Variants in TMEM242 observed in about 807,000 individuals in gnomAD.
TMEM242 encodes the protein transmembrane protein 242, also known as UPF0463 transmembrane protein C6orf35.
In TMEM242, 10 loss-of-function variants were observed where a neutral mutation model predicts 18.2. The ratio of observed to expected loss-of-function variants is 0.55; its 90% CI spans 0.34 to 0.93. TMEM242 has a LOEUF of 0.93. TMEM242 is among the 40% of genes least tolerant of loss of function. The probability of loss-of-function intolerance (pLI) is 0.02; values close to 1 mark genes in which losing one functional copy is unlikely to be tolerated. For missense variants in TMEM242, 186 were observed against 175.5 expected, an observed-to-expected ratio of 1.06 and a Z score of -0.34; for synonymous variants, 57 against 69.9, an observed-to-expected ratio of 0.81 and a Z score of 0.92.
chr6:157,323,479 T>A lies in TMEM242; in HGVS notation c.21A>T (p.Ala7=). Residue 7 remains alanine (A), a synonymous_variant, in exon 1 of 4, where the codon GCA becomes GCT. Transcript: ENST00000400788. ...CCAGCCCAGAGGCCGGCTGCCCAGT[T>A]GCAGCGCCCGCTGTCTCCATGTTTA... METAGA[A]TGQPASGLEA... 1 of 1,613,942 alleles carries A rather than the reference T, an allele frequency of 6.2e-7. No homozygotes were observed. Among genetic ancestry groups the A allele is most frequent in the South Asian group, 1.1e-5 (1 of 91,076 alleles).
chr6:157,320,048 C>T (rs1778467857), intron 2 of TMEM242, among the ~76,000 whole-genome samples: 1 of 152,212 alleles, frequency 6.6e-6, no homozygotes, highest in South Asian at 2.1e-4. Flanking sequence ...CTGTGAAGTG[C>T]ACTGACTAAG....
In TMEM242 at chr6:157,319,591, A is replaced by G. The variant is rs191675690; in HGVS notation, c.190-672T>C. On this transcript the variant is annotated intron_variant, in intron 2 of 3. Transcript: ENST00000400788. Reference sequence around the variant, plus strand: ...ATTCAGCATCTATTATTGCTTTTCAACTCCCAGTTGTTTTGCATGACACAC... The same window carrying G: ...ATTCAGCATCTATTATTGCTTTTCAGCTCCCAGTTGTTTTGCATGACACAC... Among the ~76,000 whole-genome samples the G allele has an allele frequency of 1.4e-4, 21 of 152,296 alleles. No individual in the cohort carries two copies. The East Asian group carries it at 2.7e-3, about 20-fold the overall frequency.
chr6:157,311,456 T>TCA (rs1778091557), intron 3 of TMEM242, among the ~76,000 whole-genome samples: 1 of 131,336 alleles, frequency 7.6e-6, no homozygotes, highest in Non-Finnish European at 1.7e-5. Context: ...CAGTGTGCAA[T>TCA]CACCTGGCCT....
Position 157,322,825 on chromosome 6 carries a change from G to T in TMEM242, c.89-20C>A. On this transcript the variant is annotated intron_variant, in intron 1 of 3. Transcript: ENST00000400788. ...TTCCACCTGCCAAGAGTTTCGGGGA[G>T]GAGGGGGGATATTAAAAAAAATTAA... 3 of 1,593,632 alleles carry T rather than the reference G, an allele frequency of 1.9e-6. No individual in the cohort carries two copies. Among genetic ancestry groups the T allele is most frequent in the Non-Finnish European group, 2.6e-6 (3 of 1,167,270 alleles).
chr6:157,296,938 ATG>A (rs782749473), intron 3 of TMEM242, among the ~76,000 whole-genome samples: 2 of 152,212 alleles, frequency 1.3e-5, no homozygotes, highest in African/African-American at 2.4e-5. Context: ...TGTCACAAAT[ATG>A]GATGTTCTGT....
At chr6:157,311,030 T>C (rs1298795900) in intron 3 of TMEM242, among the ~76,000 whole-genome samples, 2 of 40,366 alleles carry the variant, frequency 5.0e-5, no homozygotes, top group Admixed American at 2.6e-4. Flanking sequence ...AGCCTCATCA[T>C]AGTGTCCCAG....
intron 3 of TMEM242, among the ~76,000 whole-genome samples, chr6:157,306,333 G>A (rs1554247910): frequency 1.3e-5 from 2 of 152,212 alleles, no homozygotes; most frequent in African/African-American, 4.8e-5. Flanking sequence ...TCATCTTGGA[G>A]CAAGAAGGTG....
intron 3 of TMEM242, 36 bp from the exon 4 acceptor site, chr6:157,293,035 AAAG>A (rs782435252): frequency 3.3e-6 from 5 of 1,534,876 alleles, no homozygotes; most frequent in South Asian, 2.2e-5. Flanking sequence ...TCAAATGTTA[AAAG>A]AAGGAGAAAA....
rs141305100 is a variant in TMEM242 at position 157,317,338 on chromosome 6, G to A, written c.327+1444C>T. 2.0e-4 allele frequency among the ~76,000 whole-genome samples: 31 copies of A among 152,190 alleles called. 1 individual carries two copies. Among genetic ancestry groups the A allele is most frequent in the African/African-American group, 6.7e-4 (28 of 41,512 alleles). ...GGTGAATCATCAGTCCTCATCTTAC[G>A]TAACTTATCACCAGCATACAACACA... On this transcript the variant is annotated intron_variant, in intron 3 of 3. Transcript: ENST00000400788.
intron 3 of TMEM242, among the ~76,000 whole-genome samples, chr6:157,310,600 G>C (rs1042696900): frequency 1.3e-4 from 19 of 151,968 alleles, no homozygotes; most frequent in African/African-American, 4.6e-4. Flanking sequence ...CCTCATCATA[G>C]TGCCCCAGTG....
In TMEM242 at chr6:157,292,973, T is replaced by C. The variant is rs587765962; in HGVS notation, c.354A>G (p.Gln118=). Reference sequence around the variant, plus strand: ...TCTTGGGAATTGTTGGAAATATTGATTGCATTTTACTTCGAAAGTCGTTCA... The same window carrying C: ...TCTTGGGAATTGTTGGAAATATTGACTGCATTTTACTTCGAAAGTCGTTCA... The part of the protein sequence containing the change: ...HSMNDFRSKM[Q]SIFPTIPKNS... The change falls in exon 4 of 4, where the codon CAA becomes CAG. Residue 118 remains glutamine (Q), a synonymous_variant. Coordinates refer to ENST00000400788, the MANE Select transcript of TMEM242 (RefSeq NM_018452.6). 3 of 1,613,740 alleles carry C rather than the reference T, an allele frequency of 1.9e-6. No individual in the cohort carries two copies. In the East Asian group the frequency reaches 6.7e-5, roughly 36 times the overall value.
intron 3 of TMEM242, among the ~76,000 whole-genome samples, chr6:157,307,138 A>T (rs761609010): frequency 3.2e-4 from 48 of 152,350 alleles, no homozygotes; most frequent in Non-Finnish European, 5.7e-4. Flanking sequence ...GAAGCAAATG[A>T]TATCAGGTCT....
chr6:157,312,807 A>T (rs373956399), intron 3 of TMEM242, among the ~76,000 whole-genome samples: 1 of 4,454 alleles, frequency 2.2e-4, no homozygotes, highest in Non-Finnish European at 4.6e-4. Context: ...CCCCAGTGTG[A>T]ACTCAACTAG....
chr6:157,323,003 T>C (rs961473089), intron 1 of TMEM242, among the ~76,000 whole-genome samples, 198 bp from the exon 2 acceptor site: 2 of 152,160 alleles, frequency 1.3e-5, no homozygotes, highest in Non-Finnish European at 2.9e-5. Flanking sequence ...CCGCACGACC[T>C]CTGGTTCCTT....
At chr6:157,314,058 G>A (rs1778324251) in intron 3 of TMEM242, among the ~76,000 whole-genome samples, 2 of 61,334 alleles carry the variant, frequency 3.3e-5, no homozygotes, top group African/African-American at 6.0e-5. Flanking sequence ...GTGCCGCAGT[G>A]TGCGCTCACC....
chr6:157,290,951 G>A lies in TMEM242; in HGVS notation c.*1950C>T, dbSNP rs1777676254. The A allele has an allele frequency of 6.6e-6, 1 of 152,292 alleles. No homozygotes were observed. The highest frequency in any genetic ancestry group is 2.1e-4 in the South Asian group (1 of 4,832). 9.4% of individuals were successfully genotyped at this position (152,292 alleles called of 1,614,324 possible). A position where few individuals can be genotyped will look rare whatever the true frequency, so the allele number is the denominator to read the frequency against. The stretch of plus-strand genomic sequence containing the variant: ...TTAGGACACTCTTTCAGCAACATAT[G>A]TCTAGGCCTCCTCTGTGCCAGCCCT... On this transcript the variant is annotated 3_prime_UTR_variant, in exon 4 of 4. Coordinates refer to ENST00000400788, the MANE Select transcript of TMEM242 (RefSeq NM_018452.6).
intron 3 of TMEM242, 120 bp downstream of exon 3, chr6:157,318,661 GT>G: frequency 8.9e-7 from 1 of 1,124,250 alleles, no homozygotes; most frequent in Non-Finnish European, 1.3e-6. Flanking sequence ...CACGTACTCT[GT>G]CATCATCTCC....
rs587703730 is a variant in TMEM242, at chr6:157,289,105, A to G, written c.*3796T>C. On this transcript the variant is annotated 3_prime_UTR_variant, in exon 4 of 4. Coordinates refer to ENST00000400788, the MANE Select transcript of TMEM242 (RefSeq NM_018452.6). ...ATGCCTCATCAAACAGTAATGAAAC[A>G]AAGGCCTCGAGCCAGCTTCTCTAAG... 2.7e-4 allele frequency among the ~76,000 whole-genome samples: 41 copies of G among 151,930 alleles called. No individual in the cohort carries two copies. The highest frequency in any genetic ancestry group is 5.4e-4 in the Non-Finnish European group (37 of 68,002).
chr6:157,323,408 T>A lies in TMEM242; in HGVS notation c.88+4A>T, dbSNP rs1224254414. 6.2e-7 allele frequency: 1 copy of A among 1,613,864 alleles called. No homozygotes were observed. Among genetic ancestry groups the A allele is most frequent in the Non-Finnish European group, 8.5e-7 (1 of 1,179,898 alleles). ...CGCCCGCACCTCACCACAGCACATC[T>A]TACCTTTAACCAGGAAAAGCCGGTC... On this transcript the variant is annotated splice_donor_region_variant and intron_variant, in intron 1 of 3. Coordinates refer to ENST00000400788, the MANE Select transcript of TMEM242 (RefSeq NM_018452.6).
Sources: gnomAD v4.1 joint callset for allele counts (sites outside exome capture counted in the v4.1 genomes callset) on GRCh38, gnomAD v4.1.1 for gene constraint, MANE v1.5 for transcripts, NCBI Gene and HGNC (gene_info 2026-07-23, HGNC 2026-07-21) for gene names.